ABLIM3: variants seen among roughly 807,000 people sequenced by gnomAD.
ABLIM3 encodes actin binding LIM protein family member 3.
ABLIM3 carries 61 observed loss-of-function variants against 109.5 expected under a neutral mutation model. That is an observed-to-expected ratio of 0.56 (90% CI 0.45 to 0.69). The LOEUF (loss-of-function observed/expected upper bound fraction) is 0.69, where lower values mean the gene tolerates loss of function less well. Ranked by LOEUF, ABLIM3 falls within the 30% of genes least tolerant of loss-of-function variation. The pLI is 0.00. For synonymous variants in ABLIM3, 300 were observed against 324.8 expected, an observed-to-expected ratio of 0.92 and a Z score of 0.82; for missense variants, 796 against 889.5, an observed-to-expected ratio of 0.89 and a Z score of 1.34.
chr5:149,252,285 A>G (rs898541033), intron 22 of ABLIM3, 77 bp downstream of exon 22: 18 of 1,536,130 alleles, frequency 1.2e-5, no homozygotes, highest in Non-Finnish European at 1.6e-5. Context: ...GGAGGATGAC[A>G]GCACTGTCTA....
chr5:149,180,669 T>C (rs1756381863), intron 2 of ABLIM3, among the ~76,000 whole-genome samples: 1 of 152,218 alleles, frequency 6.6e-6, no homozygotes, highest in Non-Finnish European at 1.5e-5. Context: ...ATGTATGTAT[T>C]AATACACCAA....
At chr5:149,203,617 C>T (rs563833058) in intron 5 of ABLIM3, among the ~76,000 whole-genome samples, 3 of 152,138 alleles carry the variant, frequency 2.0e-5, no homozygotes, top group East Asian at 1.9e-4. Flanking sequence ...ACCACCAACA[C>T]AATCACCACC....
intron 2 of ABLIM3, among the ~76,000 whole-genome samples, chr5:149,174,021 CAA>C (rs57000637): frequency 1.4e-3 from 55 of 40,208 alleles, no homozygotes; most frequent in African/African-American, 4.0e-3. Flanking sequence ...GACTCCGTCT[CAA>C]AAAAAAAAAA....
At chr5:149,169,089 C>T (rs187370264) in intron 2 of ABLIM3, among the ~76,000 whole-genome samples, 8 of 143,628 alleles carry the variant, frequency 5.6e-5, no homozygotes, top group Admixed American at 4.8e-4. Context: ...TGTAGGACCC[C>T]CCCACCCCCC....
At chr5:149,237,878 TC>T (rs1226743909) in intron 11 of ABLIM3, among the ~76,000 whole-genome samples, 2 of 151,920 alleles carry the variant, frequency 1.3e-5, no homozygotes. Flanking sequence ...AGCTTTCCAT[TC>T]CCCCCAGTCC....
chr5:149,144,654 A>G (rs1015933117), intron 2 of ABLIM3, among the ~76,000 whole-genome samples: 2 of 152,058 alleles, frequency 1.3e-5, no homozygotes, highest in Admixed American at 6.5e-5. Flanking sequence ...GGGTGTTTTT[A>G]CTCATTTTAT....
intron 7 of ABLIM3, among the ~76,000 whole-genome samples, chr5:149,216,001 T>G (rs1280728193): frequency 5.9e-5 from 9 of 152,198 alleles, no homozygotes; most frequent in Admixed American, 5.2e-4. Context: ...ATTATTTTCA[T>G]TTTTAATTTA....
At chr5:149,237,029 A>G (rs1345168015) in intron 10 of ABLIM3, among the ~76,000 whole-genome samples, 1 of 152,008 alleles carries the variant, frequency 6.6e-6, no homozygotes, top group Non-Finnish European at 1.5e-5. Flanking sequence ...GGATGTCCTC[A>G]CTCTGTGGGA....
chr5:149,201,768 C>T (rs1176370799), intron 5 of ABLIM3, among the ~76,000 whole-genome samples: 3 of 152,084 alleles, frequency 2.0e-5, no homozygotes, highest in Non-Finnish European at 2.9e-5. Context: ...TATGGGACCA[C>T]GACCCTGTGG....
intron 2 of ABLIM3, among the ~76,000 whole-genome samples, chr5:149,151,641 G>A (rs1020678900): frequency 6.6e-6 from 1 of 152,216 alleles, no homozygotes; most frequent in Non-Finnish European, 1.5e-5. Context: ...CTGAAGGGAA[G>A]TGCTCTTACA....
At chr5:149,167,771 T>C (rs1561545928) in intron 2 of ABLIM3, among the ~76,000 whole-genome samples, 1 of 152,074 alleles carries the variant, frequency 6.6e-6, no homozygotes, top group East Asian at 1.9e-4. Flanking sequence ...GCACAACTAA[T>C]GATACAAACA....
intron 9 of ABLIM3, 28 bp from the exon 10 acceptor site, chr5:149,233,201 A>C (rs1489049080): frequency 6.2e-7 from 1 of 1,612,452 alleles, no homozygotes; most frequent in Admixed American, 1.7e-5. Flanking sequence ...GCAGCTTCTC[A>C]CCTTTTCTGT....
intron 2 of ABLIM3, among the ~76,000 whole-genome samples, chr5:149,171,335 ATTAC>A (rs1314349307): frequency 6.6e-6 from 1 of 152,132 alleles, no homozygotes; most frequent in African/African-American, 2.4e-5. Context: ...GCCTTTTCTT[ATTAC>A]TTACCATATG....
chr5:149,221,881 C>CTACCCTTCTGTCTACACCAAA (rs1760687148), intron 8 of ABLIM3, among the ~76,000 whole-genome samples: 1 of 152,122 alleles, frequency 6.6e-6, no homozygotes, highest in Non-Finnish European at 1.5e-5. Flanking sequence ...GACTCTTCTT[C>CTACCCTTCTGTCTACACCAAA]TACCCTTCTG....
chr5:149,259,069 TGG>T lies in ABLIM3; in HGVS notation c.*666_*667del. ...CTCCCTTGTCCAAATCTAGGATTCC[TGG>T]TAGGAAAAGGAAAAGGCCCTTCCCT... On this transcript the variant is annotated 3_prime_UTR_variant, in exon 24 of 24. Transcript: ENST00000309868. 9.9e-7 allele frequency: 1 copy of T among 1,007,226 alleles called. No individual in the cohort carries two copies. Among genetic ancestry groups the T allele is most frequent in the Non-Finnish European group, 1.2e-6 (1 of 843,122 alleles). The allele number at this position is 1,007,226 out of a possible 1,614,324, so 62.4% of individuals were successfully genotyped here.
chr5:149,146,161 G>A (rs1310469912), intron 2 of ABLIM3, among the ~76,000 whole-genome samples: 1 of 151,986 alleles, frequency 6.6e-6, no homozygotes, highest in Non-Finnish European at 1.5e-5. Flanking sequence ...CGTGGGGTTT[G>A]TTTTTGTTTT....
chr5:149,147,236 A>G (rs774616593), intron 2 of ABLIM3, among the ~76,000 whole-genome samples: 1 of 152,084 alleles, frequency 6.6e-6, no homozygotes, highest in Non-Finnish European at 1.5e-5. Context: ...TTAATTTTGT[A>G]TCCTGAGACT....
At chr5:149,253,861 G>A (rs7717353) in intron 23 of ABLIM3, among the ~76,000 whole-genome samples, 63,994 of 151,966 alleles carry the variant, frequency 0.42, 13,766 homozygotes, top group East Asian at 0.59. Flanking sequence ...TGCGGCTAAT[G>A]AAGATATACC....
In ABLIM3 at chr5:149,198,529, T is replaced by G; in HGVS notation, c.335+127T>G. 8.4e-7 allele frequency: 1 copy of G among 1,193,314 alleles called. No homozygotes were observed. Among genetic ancestry groups the G allele is most frequent in the South Asian group, 1.6e-5 (1 of 60,710 alleles). 73.9% of individuals were successfully genotyped at this position (1,193,314 alleles called of 1,614,324 possible). On this transcript the variant is annotated intron_variant, in intron 4 of 23. Transcript: ENST00000309868. The surrounding 1 kb of genome is among the most constrained non-coding windows in gnomAD (Gnocchi z 4.2). The stretch of plus-strand genomic sequence containing the variant: ...GCTGCACATTTAGATTTCTGGAACC[T>G]CAGGTGTGGAGGGATCTGATGGGCC...
Sources: allele counts gnomAD v4.1 joint callset (sites outside exome capture counted in the v4.1 genomes callset), GRCh38; gene constraint gnomAD v4.1.1; non-coding constraint Gnocchi (gnomAD v3.1); transcripts MANE v1.5; gene names NCBI Gene and HGNC (gene_info 2026-07-23, HGNC 2026-07-21).